The following TSG101 variants were observed in gnomAD, a reference collection of about 807,000 sequenced individuals.
TSG101 encodes tumor susceptibility 101.
A neutral mutation model predicts 48.5 loss-of-function variants in TSG101; 19 were observed. The observed-to-expected ratio is 0.39, with a 90% CI of 0.27 to 0.58. The LOEUF (loss-of-function observed/expected upper bound fraction) is 0.58. TSG101 is among the 20% of genes least tolerant of loss of function. The pLI is 0.55. For missense variants in TSG101, 365 were observed against 484.4 expected, an observed-to-expected ratio of 0.75 and a Z score of 2.31; for synonymous variants, 174 against 169.4, an observed-to-expected ratio of 1.03 and a Z score of -0.21.
At chr11:18,507,156 A>C (rs1397205258) in intron 5 of TSG101, among the ~76,000 whole-genome samples, 1 of 152,240 alleles carries the variant, frequency 6.6e-6, no homozygotes, top group East Asian at 1.9e-4. Flanking sequence ...AAACAGGTCA[A>C]CCTGGTCAGC....
rs1025259676 is a variant in TSG101 at position 18,506,997 on chromosome 11, C to T, written c.482-74G>A. On this transcript the variant is annotated intron_variant, in intron 5 of 9. Transcript: ENST00000251968. ...TATGTAGGCTACTGAATAAGATATA[C>T]ATCACACTGTCAATACACAGCAAAA... is the stretch of plus-strand genomic sequence containing the variant. 46 of 1,234,214 alleles carry T rather than the reference C, an allele frequency of 3.7e-5. No individual in the cohort carries two copies. The Middle Eastern group carries it at 1.7e-3, about 47-fold the overall frequency. The allele number at this position is 1,234,214 out of a possible 1,614,324, so 76.5% of individuals were successfully genotyped here.
intron 7 of TSG101, among the ~76,000 whole-genome samples, chr11:18,488,088 A>G (rs1318934886): frequency 1.3e-5 from 2 of 152,194 alleles, no homozygotes; most frequent in African/African-American, 4.8e-5. Flanking sequence ...CCATCACAGA[A>G]GAAAACATTA....
chr11:18,515,182 C>T (rs1239139666), intron 3 of TSG101, among the ~76,000 whole-genome samples: 1 of 152,164 alleles, frequency 6.6e-6, no homozygotes, highest in African/African-American at 2.4e-5. Context: ...CCTCTGTAAT[C>T]TCATAGCACT....
chr11:18,512,863 G>A (rs1039734067), intron 4 of TSG101, among the ~76,000 whole-genome samples: 4 of 151,832 alleles, frequency 2.6e-5, no homozygotes, highest in African/African-American at 9.7e-5. Context: ...GAGTAGCTGG[G>A]ATTATAGACA....
chr11:18,489,262 G>A (rs1165297092), intron 7 of TSG101, among the ~76,000 whole-genome samples: 1 of 148,880 alleles, frequency 6.7e-6, no homozygotes, highest in East Asian at 2.0e-4. Flanking sequence ...GTCTCCCTAC[G>A]TTGTCCAGGC....
intron 6 of TSG101, among the ~76,000 whole-genome samples, chr11:18,506,330 G>T (rs949833632): frequency 1.3e-5 from 2 of 151,430 alleles, no homozygotes; most frequent in Non-Finnish European, 2.9e-5. Flanking sequence ...AATATTAAAT[G>T]GAATGCTAGT....
intron 1 of TSG101, among the ~76,000 whole-genome samples, chr11:18,525,412 G>A (rs952426043): frequency 2.6e-5 from 4 of 151,834 alleles, no homozygotes; most frequent in Non-Finnish European, 5.9e-5. Context: ...GTGTGAAGTG[G>A]TGGGCACCTG....
intron 6 of TSG101, among the ~76,000 whole-genome samples, chr11:18,506,568 T>C (rs1476113394): frequency 6.6e-6 from 1 of 151,904 alleles, no homozygotes; most frequent in Admixed American, 6.6e-5. Context: ...GCACAGCCTG[T>C]AGTCCCAACT....
Position 18,509,669 on chromosome 11 carries a change from C to T in TSG101, c.358-4G>A. 6.4e-7 allele frequency: 1 copy of T among 1,566,752 alleles called. No individual in the cohort carries two copies. Among genetic ancestry groups the T allele is most frequent in the Non-Finnish European group, 8.7e-7 (1 of 1,155,886 alleles). ...GCCCCAACAAGTCTGACTGTGGCTA[C>T]AAAATGAAAAAAAATTCAAGTCAGC... On this transcript the variant is annotated splice_polypyrimidine_tract_variant and splice_region_variant and intron_variant, in intron 4 of 9. Coordinates refer to ENST00000251968, the MANE Select transcript of TSG101 (RefSeq NM_006292.4).
intron 7 of TSG101, among the ~76,000 whole-genome samples, 169 bp from the exon 8 acceptor site, chr11:18,484,241 A>AT (rs1180677817): frequency 6.6e-6 from 1 of 152,236 alleles, no homozygotes; most frequent in Admixed American, 6.5e-5. Context: ...ATCTGAGTTG[A>AT]TTCAGAAATA....
chr11:18,482,392 G>A (rs925693470), intron 8 of TSG101, among the ~76,000 whole-genome samples: 4 of 152,132 alleles, frequency 2.6e-5, no homozygotes, highest in South Asian at 2.1e-4. Flanking sequence ...TGGCTACTTC[G>A]AGGCTCATTT....
At chr11:18,520,301 G>A (rs982718846) in intron 1 of TSG101, among the ~76,000 whole-genome samples, 4 of 152,154 alleles carry the variant, frequency 2.6e-5, no homozygotes, top group African/African-American at 9.7e-5. Flanking sequence ...ACAGCTCACT[G>A]TAACCTCGAA....
At chr11:18,519,379 A>T in intron 2 of TSG101, 140 bp downstream of exon 2, 1 of 655,956 alleles carries the variant, frequency 1.5e-6, no homozygotes, top group South Asian at 1.8e-5. Context: ...CTAATTTGCT[A>T]CCCTCCAACA....
In TSG101 at chr11:18,509,663, T is replaced by C. The variant is rs1189211633; in HGVS notation, c.360A>G (p.Pro120=). ...YLPYLHEWKH[P]QSDLLGLIQV... is the part of the protein sequence containing the mutation. Reference sequence around the variant, plus strand: ...GAATAAGCCCCAACAAGTCTGACTGTGGCTACAAAATGAAAAAAAATTCAA... The same window carrying C: ...GAATAAGCCCCAACAAGTCTGACTGCGGCTACAAAATGAAAAAAAATTCAA... Residue 120 remains proline, a splice_region_variant and synonymous_variant, in exon 5 of 10, where the codon CCA becomes CCG. Coordinates refer to ENST00000251968, the MANE Select transcript of TSG101 (RefSeq NM_006292.4). The C allele has an allele frequency of 1.3e-6, 2 of 1,583,240 alleles. No homozygotes were observed. Among genetic ancestry groups the C allele is most frequent in the Non-Finnish European group, 1.7e-6 (2 of 1,162,570 alleles).
At position 18,508,075 on chromosome 11, in the gene TSG101, C is replaced by T. The variant is rs182315606; in HGVS notation, c.482-1152G>A. On this transcript the variant is annotated intron_variant, in intron 5 of 9. Coordinates refer to ENST00000251968, the MANE Select transcript of TSG101 (RefSeq NM_006292.4). ...TACCACTGCACTCCGGCCTGGGCAACAGAGCGAGACTCTGTCTCAAAAAAA... is the reference window on the plus strand; with the variant it reads ...TACCACTGCACTCCGGCCTGGGCAATAGAGCGAGACTCTGTCTCAAAAAAA... Among the ~76,000 whole-genome samples the T allele has an allele frequency of 1.4e-3, 208 of 144,500 alleles. 1 individual carries two copies. Among genetic ancestry groups the T allele is most frequent in the African/African-American group, 4.9e-3 (189 of 38,884 alleles). The allele number at this position is 144,500 out of a possible 152,430, so 94.8% of individuals were successfully genotyped here.
At chr11:18,519,309 AT>A (rs919626286) in intron 2 of TSG101, among the ~76,000 whole-genome samples, 25 of 151,404 alleles carry the variant, frequency 1.7e-4, no homozygotes, top group South Asian at 6.3e-4. Context: ...CAGGTACAGT[AT>A]TTTTTTTTAA....
At chr11:18,521,854 T>A (rs1850283938) in intron 1 of TSG101, among the ~76,000 whole-genome samples, 1 of 151,970 alleles carries the variant, frequency 6.6e-6, no homozygotes, top group African/African-American at 2.4e-5. Flanking sequence ...TTTTTGTATA[T>A]TTTTGATAGA....
intron 1 of TSG101, among the ~76,000 whole-genome samples, chr11:18,523,889 T>G (rs560224593): frequency 3.9e-5 from 6 of 152,306 alleles, no homozygotes; most frequent in African/African-American, 1.4e-4. Context: ...CTCCTGGGCT[T>G]AAGTGATCCT....
intron 7 of TSG101, 125 bp from the exon 8 acceptor site, chr11:18,484,197 TTA>T (rs1391564330): frequency 7.0e-6 from 6 of 856,756 alleles, no homozygotes; most frequent in East Asian, 5.0e-5. Flanking sequence ...AAGAAAAAAA[TTA>T]TGTTACCAGT....
Sources: gnomAD v4.1 joint callset for allele counts (sites outside exome capture counted in the v4.1 genomes callset) on GRCh38, gnomAD v4.1.1 for gene constraint, MANE v1.5 for transcripts, NCBI Gene and HGNC (gene_info 2026-07-23, HGNC 2026-07-21) for gene names.